Variants in TMEM132D observed in about 807,000 individuals in gnomAD.
TMEM132D encodes the protein transmembrane protein 132D, also known as mature OL transmembrane protein.
TMEM132D carries 21 observed loss-of-function variants against 62.3 expected under a neutral mutation model. The ratio of observed to expected loss-of-function variants is 0.34; its 90% CI spans 0.24 to 0.49. The LOEUF (loss-of-function observed/expected upper bound fraction) is 0.49. TMEM132D is among the 20% of genes least tolerant of loss of function. The pLI is 0.99. For synonymous variants in TMEM132D, 621 were observed against 575.6 expected, an observed-to-expected ratio of 1.08 and a Z score of -1.13; for missense variants, 1,346 against 1,402.8, an observed-to-expected ratio of 0.96 and a Z score of 0.65.
In TMEM132D at chr12:129,337,544, T is replaced by C. The variant is rs2135657609; in HGVS notation, c.1299+90A>G. ...TGTCCTGATTCTTGGCTCCTCCCCT[T>C]TTCCCCACCCAGCCTGGGACTCAGT... is the stretch of plus-strand genomic sequence containing the variant. On this transcript the variant is annotated intron_variant, in intron 4 of 8. Transcript: ENST00000422113. 3 of 1,517,532 alleles carry C rather than the reference T, an allele frequency of 2.0e-6. No homozygotes were observed. In the East Asian group the frequency reaches 6.8e-5, roughly 35 times the overall value. 94.0% of individuals were successfully genotyped at this position (1,517,532 alleles called of 1,614,324 possible). A position where few individuals can be genotyped will look rare whatever the true frequency, so the allele number is the denominator to read the frequency against.
chr12:129,676,205 G>C (rs1472524533), intron 2 of TMEM132D, among the ~76,000 whole-genome samples: 1 of 152,156 alleles, frequency 6.6e-6, no homozygotes, highest in Non-Finnish European at 1.5e-5. Context: ...ACCACATCAA[G>C]ATGATGGGGG....
At position 129,629,669 on chromosome 12, in the gene TMEM132D, TA is replaced by T. The variant is rs111273764; in HGVS notation, c.968+70140del. Among the ~76,000 whole-genome samples, 1,105 of 145,404 alleles carry T rather than the reference TA, an allele frequency of 7.6e-3. 14 individuals carry two copies. Among genetic ancestry groups the T allele is most frequent in the African/African-American group, 0.024 (968 of 40,078 alleles). On this transcript the variant is annotated intron_variant, in intron 2 of 8. Transcript: ENST00000422113. ...AGGCCCAACAGTTAATGCCTAATAATAAAAAAAAAAAACTATACAAACAAAC... is the reference window on the plus strand; with the variant it reads ...AGGCCCAACAGTTAATGCCTAATAATAAAAAAAAAAACTATACAAACAAAC...
At chr12:129,812,391 A>G (rs748705823) in intron 1 of TMEM132D, among the ~76,000 whole-genome samples, 2 of 151,816 alleles carry the variant, frequency 1.3e-5, no homozygotes, top group Non-Finnish European at 2.9e-5. Context: ...GTGGACATCT[A>G]AAAACCCAAC....
chr12:129,589,034 T>C (rs866285602), intron 2 of TMEM132D, among the ~76,000 whole-genome samples: 1 of 152,016 alleles, frequency 6.6e-6, no homozygotes, highest in Non-Finnish European at 1.5e-5. Flanking sequence ...TTTTCTTTCC[T>C]TTTTTTAAAC....
rs1033055315 is a variant in TMEM132D at position 129,484,690 on chromosome 12, G to C, written c.1115+46369C>G. 4.7e-4 allele frequency among the ~76,000 whole-genome samples: 71 copies of C among 152,278 alleles called. 2 individuals are homozygous for C. Among genetic ancestry groups the C allele is most frequent in the Non-Finnish European group, 8.8e-4 (60 of 68,026 alleles). ...CTGTCTTCAGTTTCTGGAAAAGTTA[G>C]AGGCAGTTTAGCCTTCTCAGCTCAT... On this transcript the variant is annotated intron_variant, in intron 3 of 8. Coordinates refer to ENST00000422113, the MANE Select transcript of TMEM132D (RefSeq NM_133448.3).
At chr12:129,207,268 T>C (rs567031889) in intron 5 of TMEM132D, among the ~76,000 whole-genome samples, 2 of 150,812 alleles carry the variant, frequency 1.3e-5, no homozygotes, top group East Asian at 3.9e-4. Context: ...ACCGCCCTCA[T>C]GGAGTTTAGA....
intron 1 of TMEM132D, among the ~76,000 whole-genome samples, chr12:129,882,522 A>C (rs1351574577): frequency 6.6e-6 from 1 of 152,214 alleles, no homozygotes; most frequent in African/African-American, 2.4e-5. Context: ...GTCAGGAATA[A>C]GTTCTAGTGG....
At chr12:129,369,570 G>T (rs541342393) in intron 3 of TMEM132D, among the ~76,000 whole-genome samples, 1 of 152,320 alleles carries the variant, frequency 6.6e-6, no homozygotes, top group South Asian at 2.1e-4. Context: ...TCTCATCAGC[G>T]GAAGCTGGCT....
chr12:129,796,251 TG>T (rs1481562863), intron 1 of TMEM132D, among the ~76,000 whole-genome samples: 1 of 152,150 alleles, frequency 6.6e-6, no homozygotes, highest in South Asian at 2.1e-4. Flanking sequence ...AAATCTTTTT[TG>T]GGGGGATGAT....
At chr12:129,834,585 T>C (rs1414745011) in intron 1 of TMEM132D, among the ~76,000 whole-genome samples, 1 of 152,206 alleles carries the variant, frequency 6.6e-6, no homozygotes, top group Non-Finnish European at 1.5e-5. Flanking sequence ...GCCGCTTTCC[T>C]TCCACCACTC....
intron 2 of TMEM132D, among the ~76,000 whole-genome samples, chr12:129,607,083 TG>T (rs1878648543): frequency 6.6e-6 from 1 of 151,780 alleles, no homozygotes; most frequent in African/African-American, 2.4e-5. Flanking sequence ...TTTTTTTTTT[TG>T]AATAGTCACT....
intron 4 of TMEM132D, among the ~76,000 whole-genome samples, chr12:129,229,245 T>C (rs1437932342): frequency 1.3e-5 from 2 of 152,230 alleles, no homozygotes; most frequent in African/African-American, 4.8e-5. Context: ...ATACTAAATC[T>C]GGTGATTTAT....
At chr12:129,585,815 ATGTGTGTG>A (rs34364323) in intron 2 of TMEM132D, among the ~76,000 whole-genome samples, 1 of 147,734 alleles carries the variant, frequency 6.8e-6, no homozygotes, top group East Asian at 2.0e-4. Flanking sequence ...ATATGCATGC[ATGTGTGTG>A]TGTGTGTGTG....
rs554332723 is a variant in TMEM132D, at chr12:129,367,943, G to A, written c.1116-30126C>T. ...TGGAATCACACGCACCTGCCACCAC[G>A]CCTGGCTAATATTTGTATTTTTAGT... On this transcript the variant is annotated intron_variant, in intron 3 of 8. Transcript: ENST00000422113. 4.6e-5 allele frequency among the ~76,000 whole-genome samples: 7 copies of A among 151,768 alleles called. No homozygotes were observed. In the East Asian group the frequency reaches 9.7e-4, roughly 21 times the overall value.
At chr12:129,782,952 T>G (rs569081709) in intron 1 of TMEM132D, among the ~76,000 whole-genome samples, 41 of 152,250 alleles carry the variant, frequency 2.7e-4, no homozygotes, top group Non-Finnish European at 4.1e-4. Flanking sequence ...ATGTTCATGA[T>G]AAACCCCTAA....
intron 3 of TMEM132D, among the ~76,000 whole-genome samples, chr12:129,343,698 G>A (rs1450803779): frequency 2.0e-5 from 3 of 151,606 alleles, no homozygotes; most frequent in African/African-American, 7.3e-5. Context: ...GATCACTTGA[G>A]GTCAGGAGTT....
intron 4 of TMEM132D, among the ~76,000 whole-genome samples, chr12:129,256,658 G>A (rs1342122217): frequency 1.3e-5 from 2 of 152,136 alleles, no homozygotes; most frequent in Non-Finnish European, 2.9e-5. Flanking sequence ...CTGACCTCAG[G>A]TGATCCTCTT....
intron 2 of TMEM132D, among the ~76,000 whole-genome samples, chr12:129,587,149 T>C (rs528680990): frequency 9.3e-4 from 141 of 152,152 alleles, no homozygotes; most frequent in African/African-American, 3.3e-3. Context: ...TACATGCCCA[T>C]CAATGATAGA....
intron 3 of TMEM132D, among the ~76,000 whole-genome samples, chr12:129,401,299 G>T (rs2135700310): frequency 6.6e-6 from 1 of 152,342 alleles, no homozygotes; most frequent in East Asian, 1.9e-4. Flanking sequence ...GGGCATGGTG[G>T]CTCATGCCTG....
Sources: allele counts gnomAD v4.1 joint callset (sites outside exome capture counted in the v4.1 genomes callset), GRCh38; gene constraint gnomAD v4.1.1; transcripts MANE v1.5; gene names NCBI Gene and HGNC (gene_info 2026-07-23, HGNC 2026-07-21).